Variants in PCDHGB2 observed in about 807,000 individuals in gnomAD.
The protein encoded by PCDHGB2 is protocadherin gamma subfamily B, 2.
PCDHGB2 carries 55 observed loss-of-function variants against 59.3 expected under a neutral mutation model. That is an observed-to-expected ratio of 0.93 (90% CI 0.75 to 1.16). The LOEUF is 1.16. PCDHGB2 is among the 50% of genes most tolerant of loss of function. The pLI, the probability that PCDHGB2 is intolerant of heterozygous loss-of-function variation, is 0.00. For missense variants in PCDHGB2, 1,228 were observed against 1,198.5 expected (o/e 1.02, Z -0.36); for synonymous variants, 516 against 512.0 (o/e 1.01, Z -0.11).
intron 1 of PCDHGB2, among the ~76,000 whole-genome samples, chr5:141,450,470 AGTTT>A (rs199699353): frequency 4.6e-5 from 7 of 151,680 alleles, no homozygotes; most frequent in Non-Finnish European, 8.8e-5. Flanking sequence ...TTATATATAG[AGTTT>A]GTTTGTTTGT....
chr5:141,478,011 G>A (rs1216659966), intron 1 of PCDHGB2: 1 of 1,614,088 alleles, frequency 6.2e-7, no homozygotes, highest in East Asian at 2.2e-5. Flanking sequence ...AGTACTGCCC[G>A]TCCAGTCCAA....
chr5:141,366,091 G>A (rs756134424), intron 1 of PCDHGB2: 3 of 1,614,130 alleles, frequency 1.9e-6, no homozygotes, highest in Non-Finnish European at 2.5e-6. Flanking sequence ...CTGGCTACCT[G>A]GTGACCAAGG....
chr5:141,398,067 C>T, intron 1 of PCDHGB2: 1 of 1,577,626 alleles, frequency 6.3e-7, no homozygotes, highest in Non-Finnish European at 8.6e-7. Flanking sequence ...ATCTACAATA[C>T]AGAGGTTATT....
At chr5:141,398,199 G>A in intron 1 of PCDHGB2, 1 of 1,491,242 alleles carries the variant, frequency 6.7e-7, no homozygotes, top group South Asian at 1.3e-5. Flanking sequence ...TGCTGTCTTT[G>A]TTCTGCCCGG....
chr5:141,502,866 CTT>C (rs549047197), intron 2 of PCDHGB2, among the ~76,000 whole-genome samples: 3 of 127,996 alleles, frequency 2.3e-5, no homozygotes, highest in Admixed American at 8.6e-5. Flanking sequence ...GACTCTCTGT[CTT>C]TTTTTTTTTT....
intron 1 of PCDHGB2, among the ~76,000 whole-genome samples, chr5:141,386,804 A>T (rs976518864): frequency 6.6e-6 from 1 of 152,238 alleles, no homozygotes; most frequent in Non-Finnish European, 1.5e-5. Context: ...AATTTATTAG[A>T]TGCATAAAAT....
intron 2 of PCDHGB2, among the ~76,000 whole-genome samples, chr5:141,502,024 C>T (rs2099812413): frequency 2.0e-5 from 3 of 152,152 alleles, no homozygotes; most frequent in Admixed American, 1.3e-4. Context: ...TCCCTGCAAC[C>T]CCCGCCGCTT....
intron 1 of PCDHGB2, chr5:141,378,978 T>C (rs999342982): frequency 3.3e-5 from 5 of 152,244 alleles, no homozygotes; most frequent in African/African-American, 1.2e-4. Flanking sequence ...TGATGACTTG[T>C]TGAACTACAT....
intron 1 of PCDHGB2, chr5:141,419,383 C>A (rs1354675466): frequency 6.2e-7 from 1 of 1,613,698 alleles, no homozygotes; most frequent in South Asian, 1.1e-5. Context: ...TGTCCGTGAG[C>A]GCGCAGAGCG....
chr5:141,366,147 ACCG>A, intron 1 of PCDHGB2: 1 of 1,614,152 alleles, frequency 6.2e-7, no homozygotes, highest in East Asian at 2.2e-5. Flanking sequence ...TGGCTGTCCT[ACCG>A]CCTGCTTAAG....
intron 1 of PCDHGB2, among the ~76,000 whole-genome samples, chr5:141,492,968 C>T: frequency 6.6e-6 from 1 of 152,240 alleles, no homozygotes; most frequent in East Asian, 1.9e-4. Flanking sequence ...GACACTCTAA[C>T]AAGTCCTGTC....
At chr5:141,483,907 C>A (rs545585133) in intron 1 of PCDHGB2, among the ~76,000 whole-genome samples, 1 of 151,240 alleles carries the variant, frequency 6.6e-6, no homozygotes, top group East Asian at 1.9e-4. Context: ...TGGTGTGTTT[C>A]CCACTCAGAT....
chr5:141,493,784 T>A lies in PCDHGB2; in HGVS notation c.2422-1023T>A, dbSNP rs1368708028. ...AGCCACTGGCAGTTCCGGAGCTTCC[T>A]TCTCCCTGGAGTAATCTGAGATACT... On this transcript the variant is annotated intron_variant, in intron 1 of 3. Coordinates refer to ENST00000522605, the MANE Select transcript of PCDHGB2 (RefSeq NM_018923.3). This position sits in a 1 kb window ranked among gnomAD's most constrained non-coding sequence, Gnocchi z 4.3. 1.3e-5 allele frequency among the ~76,000 whole-genome samples: 2 copies of A among 152,194 alleles called. No individual in the cohort carries two copies. Among genetic ancestry groups the A allele is most frequent in the Non-Finnish European group, 2.9e-5 (2 of 68,032 alleles).
chr5:141,485,193 G>T lies in PCDHGB2; in HGVS notation c.2422-9614G>T. The T allele has an allele frequency of 6.2e-7, 1 of 1,613,988 alleles. No homozygotes were observed. Among genetic ancestry groups the T allele is most frequent in the Non-Finnish European group, 8.5e-7 (1 of 1,179,852 alleles). The stretch of plus-strand genomic sequence containing the variant: ...GCAGCAATGCTCCGCAAGGTGAGAA[G>T]CTGGACAGAAATCTGGCGGTGGGCT... On this transcript the variant is annotated intron_variant, in intron 1 of 3. Transcript: ENST00000522605. The surrounding 1 kb of genome is among the most constrained non-coding windows in gnomAD (Gnocchi z 5.7).
intron 1 of PCDHGB2, among the ~76,000 whole-genome samples, chr5:141,488,697 A>T (rs1337725245): frequency 6.6e-6 from 1 of 152,162 alleles, no homozygotes; most frequent in Non-Finnish European, 1.5e-5. Context: ...GAAGGACAAG[A>T]TTTTGCTGGT....
At chr5:141,364,574 G>C (rs184408500) in intron 1 of PCDHGB2, 12 of 1,614,166 alleles carry the variant, frequency 7.4e-6, no homozygotes, top group Non-Finnish European at 1.0e-5. Context: ...CCCGCGAAGC[G>C]GCAGCTTGGT....
intron 1 of PCDHGB2, chr5:141,391,966 T>A (rs1389260854): frequency 1.3e-5 from 2 of 152,162 alleles, no homozygotes; most frequent in African/African-American, 2.4e-5. Context: ...ACAATGTAAA[T>A]AAAATAGCAA....
chr5:141,488,681 C>G, intron 1 of PCDHGB2, among the ~76,000 whole-genome samples: 1 of 152,204 alleles, frequency 6.6e-6, no homozygotes, highest in East Asian at 1.9e-4. Flanking sequence ...GGCTTTGCCT[C>G]TCCCAGAAGG....
Position 141,361,293 on chromosome 5 carries a change from GT to G in PCDHGB2, c.1160del (p.Leu387TrpfsTer8), listed in dbSNP as rs748961752. 9.3e-6 allele frequency: 15 copies of G among 1,614,018 alleles called. No homozygotes were observed. The Admixed American group carries it at 2.3e-4, about 25-fold the overall frequency. On this transcript the variant is annotated frameshift_variant, in exon 1 of 4. Coordinates refer to ENST00000522605, the MANE Select transcript of PCDHGB2 (RefSeq NM_018923.3). LOFTEE classifies it high-confidence loss of function. ...GENGEVYCQV[L>X]GNAKFILKSS... The stretch of plus-strand genomic sequence containing the variant: ...AAAATGGAGAAGTTTACTGCCAAGT[GT>G]TGGGAAATGCCAAGTTTATTTTGAA...
Sources: allele counts gnomAD v4.1 joint callset (sites outside exome capture counted in the v4.1 genomes callset), GRCh38; gene constraint gnomAD v4.1.1; non-coding constraint Gnocchi (gnomAD v3.1); transcripts MANE v1.5; gene names NCBI Gene and HGNC (gene_info 2026-07-23, HGNC 2026-07-21).